PTPRM: variants seen among roughly 807,000 people sequenced by gnomAD.
PTPRM encodes the protein protein tyrosine phosphatase receptor type M.
PTPRM carries 47 observed loss-of-function variants against 186.7 expected under a neutral mutation model. The ratio of observed to expected loss-of-function variants is 0.25; its 90% CI spans 0.20 to 0.32. PTPRM has a LOEUF of 0.32. PTPRM is among the 10% of genes least tolerant of loss of function. The probability of loss-of-function intolerance (pLI) is 1.00; values close to 1 mark genes in which losing one functional copy is unlikely to be tolerated. For missense variants in PTPRM, 1,494 were observed against 1,865.0 expected (o/e 0.80, Z 3.66); for synonymous variants, 668 against 674.9 (o/e 0.99, Z 0.16).
At chr18:8,143,552 A>G in intron 13 of PTPRM, 95 bp from the exon 14 acceptor site, 1 of 1,331,556 alleles carries the variant, frequency 7.5e-7, no homozygotes, top group Non-Finnish European at 1.1e-6. Context: ...GATAAGTCTT[A>G]TTACTCTGTT....
At chr18:7,854,334 G>A (rs1043038955) in intron 2 of PTPRM, among the ~76,000 whole-genome samples, 2 of 152,078 alleles carry the variant, frequency 1.3e-5, no homozygotes, top group Non-Finnish European at 2.9e-5. Flanking sequence ...AGCTAAAGCA[G>A]AAATAATGAG....
intron 23 of PTPRM, among the ~76,000 whole-genome samples, chr18:8,368,496 C>A (rs1431028856): frequency 3.3e-5 from 5 of 152,134 alleles, no homozygotes; most frequent in African/African-American, 1.2e-4. Context: ...TGAGCACTTA[C>A]TGAGGGCAGG....
At chr18:8,095,305 T>C (rs2090959275) in intron 11 of PTPRM, among the ~76,000 whole-genome samples, 1 of 151,988 alleles carries the variant, frequency 6.6e-6, no homozygotes, top group Non-Finnish European at 1.5e-5. Context: ...CAGACGGCTG[T>C]TGTTCAGAGC....
chr18:8,312,572 A>G (rs2095277329), intron 20 of PTPRM, among the ~76,000 whole-genome samples: 2 of 151,988 alleles, frequency 1.3e-5, no homozygotes, highest in East Asian at 1.9e-4. Flanking sequence ...TGATCTCTTT[A>G]TGTGTATTAT....
At chr18:8,069,123 A>G (rs1342233042) in intron 7 of PTPRM, among the ~76,000 whole-genome samples, 2 of 151,646 alleles carry the variant, frequency 1.3e-5, no homozygotes, top group African/African-American at 4.8e-5. Flanking sequence ...AAAAAAAAAA[A>G]AAAAAAAAAA....
chr18:8,253,310 T>C lies in PTPRM; in HGVS notation c.2650T>C (p.Tyr884His), dbSNP rs754278328. The change falls in exon 19 of 33, where the codon TAT becomes CAT. Residue 884 changes from tyrosine to histidine, a missense_variant. Tyr to His is a moderately conservative substitution (Grantham distance 83). Transcript: ENST00000580170. Reference protein sequence around the residue: ...YKKREPADVPYQTGQLHPAIR... With the variant: ...YKKREPADVPHQTGQLHPAIR... ...GAAGCGAGAGCCGGCCGACGTGCCC[T>C]ATCAGACTGGGCAGCTCCACCCCGC... 1 of 1,599,696 alleles carries C rather than the reference T, an allele frequency of 6.3e-7. No homozygotes were observed. The highest frequency in any genetic ancestry group is 8.5e-7 in the Non-Finnish European group (1 of 1,173,240).
intron 22 of PTPRM, among the ~76,000 whole-genome samples, chr18:8,329,216 A>T (rs2095397246): frequency 6.6e-6 from 1 of 152,246 alleles, no homozygotes; most frequent in African/African-American, 2.4e-5. Context: ...TAGAGGTGAC[A>T]GAAACTTTAA....
At chr18:7,864,927 G>T (rs2047599709) in intron 2 of PTPRM, among the ~76,000 whole-genome samples, 1 of 152,114 alleles carries the variant, frequency 6.6e-6, no homozygotes, top group Admixed American at 6.5e-5. Context: ...CTTCTAAGTT[G>T]TATTCCTAGG....
chr18:8,097,636 A>G (rs2091076095), intron 11 of PTPRM, among the ~76,000 whole-genome samples: 3 of 152,208 alleles, frequency 2.0e-5, no homozygotes. Context: ...GGGTACTCTA[A>G]GAGTATGTGA....
Position 7,804,278 on chromosome 18 carries a change from G to C in PTPRM, c.196+30007G>C, listed in dbSNP as rs560711186. On this transcript the variant is annotated intron_variant, in intron 2 of 32. Coordinates refer to ENST00000580170, the MANE Select transcript of PTPRM (RefSeq NM_001105244.2). Reference sequence around the variant, plus strand: ...GGGTGGGCTGGCAGTAGTTCAAGTAGAAGTCCTGGAGTTGAGTCTCACTAG... The same window carrying C: ...GGGTGGGCTGGCAGTAGTTCAAGTACAAGTCCTGGAGTTGAGTCTCACTAG... Among the ~76,000 whole-genome samples the C allele has an allele frequency of 1.1e-4, 16 of 152,220 alleles. 1 individual carries two copies. The South Asian group carries it at 3.3e-3, about 32-fold the overall frequency.
intron 24 of PTPRM, among the ~76,000 whole-genome samples, chr18:8,374,795 A>C (rs1568856175): frequency 6.6e-6 from 1 of 152,372 alleles, no homozygotes; most frequent in South Asian, 2.1e-4. Flanking sequence ...GTGCCAAGGA[A>C]GTCTTATCTC....
At chr18:8,381,621 T>C (rs1261732750) in intron 29 of PTPRM, among the ~76,000 whole-genome samples, 1 of 152,206 alleles carries the variant, frequency 6.6e-6, no homozygotes, top group Admixed American at 6.5e-5. Context: ...AGCTTAAATA[T>C]TTTAAAACTC....
chr18:7,919,971 C>T (rs2050767550), intron 4 of PTPRM, among the ~76,000 whole-genome samples: 1 of 152,008 alleles, frequency 6.6e-6, no homozygotes, highest in Admixed American at 6.6e-5. Flanking sequence ...CTTTGATTTG[C>T]ACCCTATTTT....
intron 1 of PTPRM, among the ~76,000 whole-genome samples, chr18:7,649,099 A>C (rs1186142864): frequency 6.6e-6 from 1 of 152,216 alleles, no homozygotes; most frequent in African/African-American, 2.4e-5. Flanking sequence ...AATGATGCTA[A>C]GTCTACTCTG....
intron 7 of PTPRM, among the ~76,000 whole-genome samples, chr18:7,982,767 G>A (rs72897611): frequency 0.035 from 5,281 of 152,118 alleles, 136 homozygotes; most frequent in Admixed American, 0.072. Context: ...GTCACTAGGC[G>A]GCTGGAAGTT....
intron 7 of PTPRM, among the ~76,000 whole-genome samples, chr18:8,031,403 A>G (rs1177529488): frequency 2.0e-5 from 3 of 152,140 alleles, no homozygotes; most frequent in Admixed American, 1.3e-4. Flanking sequence ...CATGCGTTTG[A>G]TATTTGGAGG....
chr18:7,629,562 T>C (rs919531102), intron 1 of PTPRM, among the ~76,000 whole-genome samples: 1 of 152,146 alleles, frequency 6.6e-6, no homozygotes, highest in South Asian at 2.1e-4. Flanking sequence ...GAGGAGCATG[T>C]ATGAAATGTT....
rs529469539 is a variant in PTPRM, at chr18:7,907,772, A to G, written c.547+1189A>G. On this transcript the variant is annotated intron_variant, in intron 4 of 32. Transcript: ENST00000580170. Reference sequence around the variant, plus strand: ...CGCAAATGTGTGTGTGTGTGTGTGTATGCGCATGTGTGTGCTCTTTCCCAT... The same window carrying G: ...CGCAAATGTGTGTGTGTGTGTGTGTGTGCGCATGTGTGTGCTCTTTCCCAT... Among the ~76,000 whole-genome samples, 3 of 151,018 alleles carry G rather than the reference A, an allele frequency of 2.0e-5. No individual in the cohort carries two copies. The South Asian group carries it at 6.2e-4, about 31-fold the overall frequency.
intron 7 of PTPRM, among the ~76,000 whole-genome samples, chr18:7,972,479 TAAA>T (rs11445031): frequency 1.8e-4 from 8 of 44,368 alleles, no homozygotes; most frequent in Non-Finnish European, 2.9e-4. Flanking sequence ...AAAAAAACAT[TAAA>T]AAAAAAAAAA....
Sources: allele counts gnomAD v4.1 joint callset (sites outside exome capture counted in the v4.1 genomes callset), GRCh38; gene constraint gnomAD v4.1.1; transcripts MANE v1.5; gene names NCBI Gene and HGNC (gene_info 2026-07-23, HGNC 2026-07-21).